PRDM2: variants seen among roughly 807,000 people sequenced by gnomAD.
PRDM2 encodes PR domain zinc finger protein 2.
A neutral mutation model predicts 130.0 loss-of-function variants in PRDM2; 30 were observed. The observed-to-expected ratio is 0.23, with a 90% confidence interval of 0.17 to 0.31. The LOEUF is 0.31. PRDM2 is among the 10% of genes least tolerant of loss of function. The pLI is 1.00. For synonymous variants in PRDM2, 871 were observed against 782.4 expected (o/e 1.11, Z -1.89); for missense variants, 2,011 against 2,108.4 (o/e 0.95, Z 0.90).
intron 8 of PRDM2, among the ~76,000 whole-genome samples, chr1:13,785,287 C>G (rs1644710885): frequency 6.6e-6 from 1 of 152,298 alleles, no homozygotes; most frequent in Admixed American, 6.5e-5. Flanking sequence ...TACTCACTTT[C>G]ACTCTGTTTG....
intron 6 of PRDM2, among the ~76,000 whole-genome samples, chr1:13,759,164 T>C (rs1192555453): frequency 2.6e-5 from 2 of 78,336 alleles, no homozygotes; most frequent in South Asian, 5.1e-4. Flanking sequence ...CCCCTACCCT[T>C]TTTTTTTTTT....
chr1:13,761,938 T>G (rs1644107629), intron 6 of PRDM2, among the ~76,000 whole-genome samples: 2 of 152,186 alleles, frequency 1.3e-5, no homozygotes, highest in South Asian at 4.1e-4. Context: ...ATCCTGTGAA[T>G]CAGCGGAGAA....
chr1:13,793,648 CT>C (rs1235985286), intron 8 of PRDM2, among the ~76,000 whole-genome samples: 1 of 152,138 alleles, frequency 6.6e-6, no homozygotes, highest in East Asian at 1.9e-4. Flanking sequence ...CTCCTAAAGG[CT>C]TCTAGAATGA....
chr1:13,723,481 C>G (rs916414867), intron 2 of PRDM2, among the ~76,000 whole-genome samples: 1 of 152,166 alleles, frequency 6.6e-6, no homozygotes, highest in Non-Finnish European at 1.5e-5. Flanking sequence ...GCAATGGGAA[C>G]TGGAGAAAGG....
Position 13,708,138 on chromosome 1 carries a change from A to G in PRDM2, c.-65-7403A>G, listed in dbSNP as rs78548160. Among the ~76,000 whole-genome samples, 759 of 152,304 alleles carry G rather than the reference A, an allele frequency of 5.0e-3. 9 individuals carry two copies. The highest frequency in any genetic ancestry group is 0.017 in the African/African-American group (722 of 41,572). On this transcript the variant is annotated intron_variant, in intron 1 of 9. Transcript: ENST00000311066. The stretch of plus-strand genomic sequence containing the variant: ...TTACTTCTGAGCTGGCACATTATTA[A>G]TGGATGCTTGGAGCAGTAGATTTTG...
chr1:13,745,342 G>A (rs945934872), intron 5 of PRDM2, among the ~76,000 whole-genome samples: 2 of 152,086 alleles, frequency 1.3e-5, no homozygotes, highest in Admixed American at 6.5e-5. Flanking sequence ...GGAAGGAGCT[G>A]GCCATGCAAA....
intron 5 of PRDM2, among the ~76,000 whole-genome samples, chr1:13,743,628 T>A (rs144795264): frequency 1.4e-4 from 21 of 152,326 alleles, no homozygotes; most frequent in Non-Finnish European, 3.1e-4. Flanking sequence ...ACACTTTTGA[T>A]GAGCACACAT....
intron 1 of PRDM2, among the ~76,000 whole-genome samples, chr1:13,710,953 C>T (rs989841107): frequency 1.8e-4 from 27 of 152,008 alleles, no homozygotes; most frequent in African/African-American, 3.9e-4. Flanking sequence ...GGCGTGTTGA[C>T]GGGCGCCTGT....
At chr1:13,721,503 C>A (rs1642728829) in intron 2 of PRDM2, among the ~76,000 whole-genome samples, 1 of 151,920 alleles carries the variant, frequency 6.6e-6, no homozygotes, top group Admixed American at 6.6e-5. Context: ...TTGACTTAAA[C>A]CTCAACTAAT....
chr1:13,802,290 G>A (rs2100734321), intron 8 of PRDM2, among the ~76,000 whole-genome samples: 1 of 152,282 alleles, frequency 6.6e-6, no homozygotes, highest in South Asian at 2.1e-4. Flanking sequence ...CGCCCTGTCA[G>A]CCAGGCACAC....
intron 6 of PRDM2, among the ~76,000 whole-genome samples, chr1:13,762,003 A>G (rs1407706949): frequency 6.6e-6 from 1 of 152,222 alleles, no homozygotes; most frequent in South Asian, 2.1e-4. Context: ...GCAGAACGCC[A>G]TTGTCTTCAT....
At chr1:13,772,938 T>C in intron 6 of PRDM2, 140 bp from the exon 7 acceptor site, 1 of 511,326 alleles carries the variant, frequency 2.0e-6, no homozygotes, top group Non-Finnish European at 3.4e-6. Flanking sequence ...GAATCCAAAG[T>C]GGTAATTGCC....
intron 1 of PRDM2, among the ~76,000 whole-genome samples, chr1:13,707,646 C>A (rs905907183): frequency 6.6e-6 from 1 of 152,140 alleles, no homozygotes; most frequent in Admixed American, 6.5e-5. Context: ...AAGCATAGTT[C>A]TCATCAGAGA....
intron 6 of PRDM2, among the ~76,000 whole-genome samples, chr1:13,764,633 C>G (rs1644181663): frequency 6.6e-6 from 1 of 152,218 alleles, no homozygotes; most frequent in Admixed American, 6.5e-5. Context: ...CTCCTATCAG[C>G]CTGACATTTG....
chr1:13,749,055 G>A (rs1643708513), intron 5 of PRDM2, among the ~76,000 whole-genome samples: 1 of 152,024 alleles, frequency 6.6e-6, no homozygotes, highest in South Asian at 2.1e-4. Context: ...ATTTTTTCTC[G>A]TGCGTGGGCC....
intron 6 of PRDM2, among the ~76,000 whole-genome samples, chr1:13,752,551 C>T (rs1316463659): frequency 2.0e-5 from 3 of 152,188 alleles, no homozygotes; most frequent in African/African-American, 7.2e-5. Flanking sequence ...TTCTTGATTT[C>T]TGTCCCCTGT....
At chr1:13,795,717 C>G (rs1383955405) in intron 8 of PRDM2, among the ~76,000 whole-genome samples, 1 of 152,140 alleles carries the variant, frequency 6.6e-6, no homozygotes, top group Non-Finnish European at 1.5e-5. Flanking sequence ...TCGGCCAGGC[C>G]TCGTTTTTAC....
chr1:13,767,468 T>A (rs1325305899), intron 6 of PRDM2, among the ~76,000 whole-genome samples: 1 of 121,694 alleles, frequency 8.2e-6, no homozygotes, highest in Non-Finnish European at 1.8e-5. Context: ...ATTTTTTCTA[T>A]TTTTTTTTTT....
intron 1 of PRDM2, among the ~76,000 whole-genome samples, chr1:13,707,316 G>GATTCCT (rs111399551): frequency 0.062 from 9,417 of 152,236 alleles, 596 homozygotes; most frequent in African/African-American, 0.16. Flanking sequence ...TCTTTTGCAG[G>GATTCCT]ATTCCTAGAC....
Sources: gnomAD v4.1 joint callset for allele counts (sites outside exome capture counted in the v4.1 genomes callset) on GRCh38, gnomAD v4.1.1 for gene constraint, MANE v1.5 for transcripts, NCBI Gene and HGNC (gene_info 2026-07-23, HGNC 2026-07-21) for gene names.